SPATA16: variants seen among roughly 807,000 people sequenced by gnomAD.
The protein encoded by SPATA16 is spermatogenesis-associated protein 16.
A neutral mutation model predicts 63.3 loss-of-function variants in SPATA16; 36 were observed. That is an observed-to-expected ratio of 0.57 (90% CI 0.44 to 0.75). The LOEUF (loss-of-function observed/expected upper bound fraction) is 0.75, where lower values mean the gene tolerates loss of function less well. Among genes scored for constraint, SPATA16 ranks in the 30% least tolerant of loss-of-function variants. The pLI is 0.00. For synonymous variants in SPATA16, 203 were observed against 216.7 expected, an observed-to-expected ratio of 0.94 and a Z score of 0.56; for missense variants, 646 against 679.3, an observed-to-expected ratio of 0.95 and a Z score of 0.54.
At chr3:172,901,258 C>T (rs996679374) in intron 10 of SPATA16, among the ~76,000 whole-genome samples, 5 of 151,912 alleles carry the variant, frequency 3.3e-5, no homozygotes, top group South Asian at 2.1e-4. Flanking sequence ...GGAGTGCAAT[C>T]GCATGATCTC....
intron 5 of SPATA16, among the ~76,000 whole-genome samples, chr3:172,960,939 C>T (rs1350550252): frequency 1.5e-5 from 2 of 132,070 alleles, no homozygotes; most frequent in African/African-American, 2.9e-5. Flanking sequence ...CCTTCTCTTT[C>T]TCTCTTCCCC....
intron 5 of SPATA16, among the ~76,000 whole-genome samples, chr3:172,962,158 CAGG>C (rs1010659518): frequency 6.9e-6 from 1 of 144,588 alleles, no homozygotes; most frequent in African/African-American, 2.6e-5. Flanking sequence ...GAGGCCGAGG[CAGG>C]AGAATTGCTT....
At chr3:172,900,110 G>A (rs1194305756) in intron 10 of SPATA16, among the ~76,000 whole-genome samples, 1 of 151,820 alleles carries the variant, frequency 6.6e-6, no homozygotes, top group East Asian at 1.9e-4. Flanking sequence ...ATTCTTTTTG[G>A]GTAGGTTTTC....
chr3:172,925,454 A>G lies in SPATA16; in HGVS notation c.1120T>C (p.Trp374Arg). Residue 374 changes from tryptophan to arginine, a missense_variant, in exon 7 of 11, where the codon TGG becomes CGG. Physicochemically the swap from Trp to Arg is moderately radical, Grantham distance 101 (BLOSUM62 -3). Coordinates refer to ENST00000351008, the MANE Select transcript of SPATA16 (RefSeq NM_031955.6). ...TATTGTTGGGGAGGAAAAGATGACC[A>G]GTCAACTGTCTGAGGCAACATGTGG... ...ALHMLPQTVD[W>R]SSFPPQQYLL... is the part of the protein sequence containing the mutation. The G allele has an allele frequency of 4.3e-6, 7 of 1,614,070 alleles. No homozygotes were observed. Among genetic ancestry groups the G allele is most frequent in the Non-Finnish European group, 5.9e-6 (7 of 1,179,944 alleles).
intron 6 of SPATA16, among the ~76,000 whole-genome samples, chr3:172,950,959 G>A (rs11920356): frequency 9.9e-5 from 15 of 151,860 alleles, no homozygotes; most frequent in East Asian, 9.7e-4. Flanking sequence ...CAGGATATGC[G>A]GATTGTATTA....
At chr3:173,026,139 G>A (rs781170649) in intron 3 of SPATA16, among the ~76,000 whole-genome samples, 6 of 151,924 alleles carry the variant, frequency 3.9e-5, no homozygotes, top group Non-Finnish European at 7.4e-5. Context: ...TGTGATAGGT[G>A]TAGATGGTAT....
intron 4 of SPATA16, among the ~76,000 whole-genome samples, chr3:173,004,432 CAA>C (rs76567834): frequency 6.7e-5 from 7 of 103,880 alleles, no homozygotes; most frequent in Admixed American, 1.0e-4. Context: ...ATACCATATA[CAA>C]AAAAAAAAAA....
intron 2 of SPATA16, among the ~76,000 whole-genome samples, chr3:173,052,964 A>AG (rs1336233902): frequency 6.6e-6 from 1 of 152,248 alleles, no homozygotes; most frequent in Non-Finnish European, 1.5e-5. Context: ...ATTTTTGAAT[A>AG]CAGTATGGAC....
At chr3:172,946,681 A>G (rs1169214157) in intron 6 of SPATA16, among the ~76,000 whole-genome samples, 1 of 152,202 alleles carries the variant, frequency 6.6e-6, no homozygotes, top group East Asian at 1.9e-4. Context: ...CGTAGAACAT[A>G]GTACCAAGTA....
intron 5 of SPATA16, among the ~76,000 whole-genome samples, chr3:172,961,648 G>A (rs1336996216): frequency 1.3e-5 from 2 of 152,134 alleles, no homozygotes; most frequent in African/African-American, 2.4e-5. Context: ...TTCTGCTTCG[G>A]CTTCCCAAAG....
chr3:173,006,649 C>T (rs918569300), intron 4 of SPATA16, among the ~76,000 whole-genome samples: 7 of 152,076 alleles, frequency 4.6e-5, no homozygotes. Context: ...TCCCTGACAC[C>T]AAAAAAGCTG....
At chr3:173,016,795 C>T (rs762797848) in intron 4 of SPATA16, among the ~76,000 whole-genome samples, 13 of 152,148 alleles carry the variant, frequency 8.5e-5, no homozygotes, top group Admixed American at 2.6e-4. Context: ...CCAGGAATCA[C>T]CCGAGGTCAG....
intron 1 of SPATA16, among the ~76,000 whole-genome samples, chr3:173,134,157 T>C (rs1212570572): frequency 6.6e-6 from 1 of 152,194 alleles, no homozygotes; most frequent in Non-Finnish European, 1.5e-5. Context: ...AGTCCAGTAG[T>C]AGACCTACAT....
chr3:173,001,005 T>A (rs949640890), intron 4 of SPATA16, among the ~76,000 whole-genome samples: 3 of 152,360 alleles, frequency 2.0e-5, no homozygotes, highest in African/African-American at 4.8e-5. Context: ...GTTCTGGTAA[T>A]TCCAGCATTC....
chr3:173,032,684 A>G (rs1163118576), intron 3 of SPATA16, among the ~76,000 whole-genome samples: 1 of 152,170 alleles, frequency 6.6e-6, no homozygotes, highest in Non-Finnish European at 1.5e-5. Context: ...AGAGGCATGC[A>G]GTGAAATGCC....
chr3:173,082,732 T>C (rs1736955769), intron 2 of SPATA16, among the ~76,000 whole-genome samples: 1 of 152,160 alleles, frequency 6.6e-6, no homozygotes, highest in African/African-American at 2.4e-5. Flanking sequence ...TCTCTTTGCC[T>C]AGAAGAGAGG....
chr3:172,975,395 C>T (rs1018435174), intron 5 of SPATA16, among the ~76,000 whole-genome samples: 1 of 152,114 alleles, frequency 6.6e-6, no homozygotes, highest in Non-Finnish European at 1.5e-5. Context: ...GTCAAGCATT[C>T]GCTGGGGACC....
intron 2 of SPATA16, among the ~76,000 whole-genome samples, chr3:173,067,084 T>C (rs983474811): frequency 1.3e-5 from 2 of 151,672 alleles, no homozygotes; most frequent in Non-Finnish European, 2.9e-5. Flanking sequence ...TTTAGTGAGC[T>C]CAAAGGTAGT....
intron 1 of SPATA16, among the ~76,000 whole-genome samples, chr3:173,123,024 G>A (rs13100380): frequency 0.13 from 20,010 of 152,160 alleles, 1,366 homozygotes; most frequent in African/African-American, 0.15. Flanking sequence ...GAAAGATTTT[G>A]AGAAGAGGGA....
Sources: allele counts gnomAD v4.1 joint callset (sites outside exome capture counted in the v4.1 genomes callset), GRCh38; gene constraint gnomAD v4.1.1; transcripts MANE v1.5; gene names NCBI Gene and HGNC (gene_info 2026-07-23, HGNC 2026-07-21).